Variants in RAD51B observed in about 807,000 individuals in gnomAD.
The protein encoded by RAD51B is DNA repair protein RAD51 homolog 2.
In RAD51B, 38 loss-of-function variants were observed where a neutral mutation model predicts 42.2. The ratio of observed to expected loss-of-function variants is 0.90; its 90% confidence interval spans 0.70 to 1.18. The LOEUF is 1.18. Among genes scored for constraint, RAD51B ranks in the 50% most tolerant of loss-of-function variants. The probability of loss-of-function intolerance (pLI) is 0.00; values close to 1 mark genes in which losing one functional copy is unlikely to be tolerated. For missense variants in RAD51B, 373 were observed against 400.7 expected, an observed-to-expected ratio of 0.93 and a Z score of 0.59; for synonymous variants, 154 against 145.2, an observed-to-expected ratio of 1.06 and a Z score of -0.43.
At chr14:67,929,594 A>G (rs2044650747) in intron 7 of RAD51B, among the ~76,000 whole-genome samples, 1 of 152,210 alleles carries the variant, frequency 6.6e-6, no homozygotes, top group African/African-American at 2.4e-5. Context: ...TGTTAGGTCC[A>G]TTTGGTCTAA....
intron 5 of RAD51B, among the ~76,000 whole-genome samples, chr14:67,870,840 G>T: frequency 8.2e-6 from 1 of 121,298 alleles, no homozygotes; most frequent in Non-Finnish European, 1.7e-5. Flanking sequence ...GTGACTACTG[G>T]GTACATAACG....
chr14:68,422,212 G>A, intron 9 of RAD51B: 1 of 1,015,510 alleles, frequency 9.8e-7, no homozygotes, highest in Admixed American at 1.7e-5. Flanking sequence ...ATAGTACACG[G>A]TTTTCCTCAG....
At chr14:68,092,474 G>A (rs1333661921) in intron 7 of RAD51B, among the ~76,000 whole-genome samples, 3 of 152,156 alleles carry the variant, frequency 2.0e-5, no homozygotes. Flanking sequence ...GTGAATGGGA[G>A]TTCACTCATG....
intron 11 of RAD51B, among the ~76,000 whole-genome samples, chr14:68,664,193 A>C (rs1421909854): frequency 6.6e-6 from 1 of 152,152 alleles, no homozygotes; most frequent in Non-Finnish European, 1.5e-5. Context: ...TTGTCAACAT[A>C]ATTTTTTAGC....
intron 9 of RAD51B, among the ~76,000 whole-genome samples, chr14:68,447,663 TA>T (rs981443367): frequency 1.3e-5 from 2 of 152,182 alleles, no homozygotes; most frequent in African/African-American, 4.8e-5. Context: ...AAGAGTAAGT[TA>T]AAAAATATTA....
At chr14:68,479,026 C>G (rs934738634), downstream of RAD51B, among the ~76,000 whole-genome samples, 1 of 152,118 alleles carries the variant, frequency 6.6e-6, no homozygotes, top group South Asian at 2.1e-4. Context: ...GCATCTTATT[C>G]AGCTGGAGTG....
Position 68,108,627 on chromosome 14 carries a change from C to T in RAD51B, c.757-183257C>T, listed in dbSNP as rs559605275. Reference sequence around the variant, plus strand: ...AGAGAGAGGCAGGAATGGGAAGGGACAGTGACTACTAATGAGTATCGGGTT... The same window carrying T: ...AGAGAGAGGCAGGAATGGGAAGGGATAGTGACTACTAATGAGTATCGGGTT... On this transcript the variant is annotated intron_variant, in intron 7 of 10. Transcript: ENST00000471583. Among the ~76,000 whole-genome samples the T allele has an allele frequency of 9.9e-5, 15 of 151,886 alleles. 1 individual carries two copies. The South Asian group carries it at 2.3e-3, about 23-fold the overall frequency.
chr14:68,011,587 A>G (rs116442879), intron 7 of RAD51B, among the ~76,000 whole-genome samples: 3,594 of 152,142 alleles, frequency 0.024, 81 homozygotes, highest in African/African-American at 0.055. Flanking sequence ...CTTTGAGGAA[A>G]CAGAAAAACA....
intron 8 of RAD51B, among the ~76,000 whole-genome samples, chr14:68,300,418 C>T (rs2081704091): frequency 6.6e-6 from 1 of 151,960 alleles, no homozygotes; most frequent in Non-Finnish European, 1.5e-5. Flanking sequence ...CTATCCTGCC[C>T]AGGCTGGTCT....
intron 7 of RAD51B, among the ~76,000 whole-genome samples, chr14:68,108,283 G>A (rs973566192): frequency 1.3e-5 from 2 of 151,784 alleles, no homozygotes; most frequent in South Asian, 2.1e-4. Context: ...ATACCCAAGA[G>A]AACTGAAAAT....
chr14:67,954,915 A>G (rs1275930928), intron 7 of RAD51B, among the ~76,000 whole-genome samples: 6 of 152,144 alleles, frequency 3.9e-5, no homozygotes, highest in Non-Finnish European at 8.8e-5. Context: ...AGGTTGAGTT[A>G]TTGACCTTGG....
At chr14:68,366,775 G>A (rs147499185) in intron 8 of RAD51B, among the ~76,000 whole-genome samples, 9 of 152,184 alleles carry the variant, frequency 5.9e-5, no homozygotes, top group African/African-American at 1.9e-4. Flanking sequence ...TATGTTGCTC[G>A]CATTAGTGGG....
At chr14:68,349,990 C>T (rs1342559126) in intron 8 of RAD51B, among the ~76,000 whole-genome samples, 1 of 152,214 alleles carries the variant, frequency 6.6e-6, no homozygotes, top group Admixed American at 6.5e-5. Flanking sequence ...CACGCTATCG[C>T]ACTGGGAGGA....
chr14:68,409,543 A>C (rs536522731), intron 8 of RAD51B, among the ~76,000 whole-genome samples: 32 of 152,360 alleles, frequency 2.1e-4, no homozygotes, highest in Admixed American at 1.9e-3. Flanking sequence ...AGGAGTAATC[A>C]ACATGGTAAA....
At chr14:68,297,598 A>T (rs1244456362) in intron 8 of RAD51B, among the ~76,000 whole-genome samples, 1 of 152,202 alleles carries the variant, frequency 6.6e-6, no homozygotes, top group East Asian at 1.9e-4. Context: ...TGAGTGGAGT[A>T]GTTTTAAAAA....
At chr14:68,128,435 G>A (rs926513036) in intron 7 of RAD51B, among the ~76,000 whole-genome samples, 9 of 152,256 alleles carry the variant, frequency 5.9e-5, no homozygotes, top group East Asian at 5.8e-4. Flanking sequence ...TGGCTCACTC[G>A]TATAATCCCA....
In RAD51B at chr14:67,971,253, T is replaced by G. The variant is rs2074893285; in HGVS notation, c.756+84049T>G. Among the ~76,000 whole-genome samples, 2 of 152,086 alleles carry G rather than the reference T, an allele frequency of 1.3e-5. 1 individual carries two copies. The highest frequency in any genetic ancestry group is 4.1e-4 in the South Asian group (2 of 4,834). On this transcript the variant is annotated intron_variant, in intron 7 of 10. Coordinates refer to ENST00000471583, the MANE Select transcript of RAD51B (RefSeq NM_133510.4). ...ACGGTTACATGCGAATTTTAAAAGA[T>G]TTCTTGTGTTTGGTTAGTTCTAAAT...
exon 11 of RAD51B, chr14:68,594,860 G>A: frequency 8.5e-7 from 1 of 1,172,634 alleles, no homozygotes. Context: ...AATGTCCCAG[G>A]CACACAGCCC....
intron 10 of RAD51B, among the ~76,000 whole-genome samples, chr14:68,631,181 A>G (rs940121660): frequency 2.6e-5 from 4 of 152,228 alleles, no homozygotes; most frequent in Admixed American, 6.5e-5. Flanking sequence ...TTCTGGACGT[A>G]TATGGTCAAA....
Sources: gnomAD v4.1 joint callset for allele counts (sites outside exome capture counted in the v4.1 genomes callset) on GRCh38, gnomAD v4.1.1 for gene constraint, MANE v1.5 for transcripts, NCBI Gene and HGNC (gene_info 2026-07-23, HGNC 2026-07-21) for gene names.